The following NCEH1 variants were observed in gnomAD, a reference collection of about 807,000 sequenced individuals.
NCEH1 encodes 2-acetyl MAGE hydrolase.
NCEH1 carries 9 observed loss-of-function variants against 25.4 expected under a neutral mutation model. The ratio of observed to expected loss-of-function variants is 0.35; its 90% confidence interval spans 0.21 to 0.62. NCEH1 has a LOEUF of 0.62. Among genes scored for constraint, NCEH1 ranks in the 20% least tolerant of loss-of-function variants. The probability of loss-of-function intolerance (pLI) is 0.72; values close to 1 mark genes in which losing one functional copy is unlikely to be tolerated. For missense variants in NCEH1, 412 were observed against 501.1 expected, an observed-to-expected ratio of 0.82 and a Z score of 1.70; for synonymous variants, 200 against 199.8, an observed-to-expected ratio of 1.00 and a Z score of -0.01.
intron 1 of NCEH1, among the ~76,000 whole-genome samples, chr3:172,664,216 T>G (rs1718097789): frequency 6.6e-6 from 1 of 152,336 alleles, no homozygotes; most frequent in African/African-American, 2.4e-5. Context: ...CCTTCACTTA[T>G]GAAGCTTAGT....
chr3:172,636,419 G>A (rs1471488973), intron 3 of NCEH1, among the ~76,000 whole-genome samples: 2 of 151,800 alleles, frequency 1.3e-5, no homozygotes, highest in African/African-American at 2.4e-5. Flanking sequence ...GACATGGATA[G>A]CACCGTAATA....
Position 172,678,533 on chromosome 3 carries a change from C to T in NCEH1, c.139-30419G>A, listed in dbSNP as rs529684787. ...TTGAAAGATCCACAATTACAACAAA[C>T]TTGTTTAATGTCTAACAAAGTCTCA... On this transcript the variant is annotated intron_variant, in intron 1 of 4. Transcript: ENST00000475381. Among the ~76,000 whole-genome samples, 7 of 152,322 alleles carry T rather than the reference C, an allele frequency of 4.6e-5. No homozygotes were observed. In the South Asian group the frequency reaches 1.2e-3, roughly 27 times the overall value.
chr3:172,691,838 T>C (rs1713062567), intron 1 of NCEH1, among the ~76,000 whole-genome samples: 1 of 152,178 alleles, frequency 6.6e-6, no homozygotes, highest in Non-Finnish European at 1.5e-5. Flanking sequence ...TCTCATCTAC[T>C]CGGGAGGCTG....
intron 1 of NCEH1, among the ~76,000 whole-genome samples, chr3:172,706,581 C>T (rs1415176480): frequency 6.6e-6 from 1 of 150,822 alleles, no homozygotes; most frequent in Non-Finnish European, 1.5e-5. Context: ...TCACTGAAAC[C>T]TCCACCTCCC....
chr3:172,645,812 A>G, intron 2 of NCEH1, 120 bp from the exon 3 acceptor site: 1 of 549,792 alleles, frequency 1.8e-6, no homozygotes, highest in Non-Finnish European at 3.2e-6. Context: ...CAAATAATAA[A>G]AAGCAAATGT....
In NCEH1 at chr3:172,648,011, T is replaced by C. The variant is rs749826453; in HGVS notation, c.242A>G (p.Lys81Arg). 2 of 1,614,174 alleles carry C rather than the reference T, an allele frequency of 1.2e-6. No individual in the cohort carries two copies. Among genetic ancestry groups the C allele is most frequent in the Non-Finnish European group, 1.7e-6 (2 of 1,180,044 alleles). Residue 81 changes from lysine (K) to arginine (R), a missense_variant, in exon 2 of 5, where the codon AAG (lysine) becomes AGG (arginine). Lys to Arg is a conservative substitution (Grantham distance 26, BLOSUM62 2). Around this residue, in one of 3 missense-constraint regions of NCEH1, gnomAD observed 178 missense variants for 189.2 expected, o/e 0.94. Transcript: ENST00000475381. ...ACCATCAAAGTCTGTGTCGGTCACCTTCACTTGGGCAGAAGACCACGCGCT... is the reference window on the plus strand; with the variant it reads ...ACCATCAAAGTCTGTGTCGGTCACCCTCACTTGGGCAGAAGACCACGCGCT... ...KKSAWSSAQV[K>R]VTDTDFDGVE...
intron 3 of NCEH1, among the ~76,000 whole-genome samples, chr3:172,641,539 G>A (rs1234022762): frequency 6.6e-6 from 1 of 152,150 alleles, no homozygotes; most frequent in South Asian, 2.1e-4. Flanking sequence ...TGAAAGAATA[G>A]CAAAGCCATG....
intron 1 of NCEH1, among the ~76,000 whole-genome samples, chr3:172,679,174 G>C (rs765800293): frequency 1.3e-5 from 2 of 152,162 alleles, no homozygotes; most frequent in Non-Finnish European, 2.9e-5. Context: ...GCTGAGAAAG[G>C]TAAAAACACC....
At chr3:172,657,043 T>C (rs923513835) in intron 1 of NCEH1, among the ~76,000 whole-genome samples, 2 of 152,198 alleles carry the variant, frequency 1.3e-5, no homozygotes, top group Non-Finnish European at 2.9e-5. Context: ...TTTCTTTTTG[T>C]CTTTTATTGA....
chr3:172,660,488 C>G (rs1328573551), intron 1 of NCEH1, among the ~76,000 whole-genome samples: 2 of 152,222 alleles, frequency 1.3e-5, no homozygotes, highest in South Asian at 4.1e-4. Flanking sequence ...TGGGTATATA[C>G]GCAGTAATGG....
chr3:172,652,870 ATT>A (rs33937237), intron 1 of NCEH1, among the ~76,000 whole-genome samples: 3 of 139,788 alleles, frequency 2.1e-5, no homozygotes, highest in Non-Finnish European at 1.6e-5. Flanking sequence ...TAATTTTTGT[ATT>A]TTTTTTTTTT....
intron 3 of NCEH1, among the ~76,000 whole-genome samples, chr3:172,643,977 G>A (rs748913350): frequency 1.2e-4 from 19 of 152,218 alleles, no homozygotes; most frequent in Non-Finnish European, 2.2e-4. Flanking sequence ...AAACTGCACT[G>A]ACAACCCTTG....
intron 3 of NCEH1, among the ~76,000 whole-genome samples, chr3:172,638,916 T>C (rs910556086): frequency 1.2e-3 from 176 of 152,306 alleles, no homozygotes; most frequent in African/African-American, 4.2e-3. Context: ...GTGTTCCTGG[T>C]GCCATAAAGA....
intron 1 of NCEH1, among the ~76,000 whole-genome samples, chr3:172,704,413 G>T (rs116269836): frequency 6.6e-6 from 1 of 152,136 alleles, no homozygotes; most frequent in African/African-American, 2.4e-5. Flanking sequence ...CTCATGCTCC[G>T]AGCTCTCTTG....
At chr3:172,644,925 C>CA (rs11437231) in intron 3 of NCEH1, among the ~76,000 whole-genome samples, 6,236 of 152,002 alleles carry the variant, frequency 0.041, 392 homozygotes, top group African/African-American at 0.14. Context: ...ACGTGGGTTG[C>CA]AATTTCACAA....
rs1553830302 is a variant in NCEH1, at chr3:172,653,735, G to GTTTTTTTTTTTT, written c.139-5622_139-5621insAAAAAAAAAAAA. Among the ~76,000 whole-genome samples the GTTTTTTTTTTTT allele has an allele frequency of 9.7e-4, 69 of 71,002 alleles. 4 individuals are homozygous for GTTTTTTTTTTTT. Among genetic ancestry groups the GTTTTTTTTTTTT allele is most frequent in the African/African-American group, 3.1e-3 (62 of 19,702 alleles). The allele number at this position is 71,002 out of a possible 152,430, so 46.6% of individuals were successfully genotyped here. ...TTGTTTTTGTTGTTGTTGTTGTTCT[G>GTTTTTTTTTTTT]TTTTTTTTGTTTTTTTGTTTTTTTG... On this transcript the variant is annotated intron_variant, in intron 1 of 4. Transcript: ENST00000475381.
intron 1 of NCEH1, among the ~76,000 whole-genome samples, chr3:172,686,098 T>A (rs522028): frequency 0.55 from 83,711 of 152,028 alleles, 23,801 homozygotes; most frequent in African/African-American, 0.65. Flanking sequence ...CAGCAGGCGG[T>A]GAGAAATTTA....
At position 172,633,945 on chromosome 3, in the gene NCEH1, C is replaced by T. The variant is rs1716490703; in HGVS notation, c.757G>A (p.Val253Met). 3 of 1,614,162 alleles carry T rather than the reference C, an allele frequency of 1.9e-6. No individual in the cohort carries two copies. The highest frequency in any genetic ancestry group is 2.5e-6 in the Non-Finnish European group (3 of 1,180,016). ...TCATAGTTGCCTTTGAAGTAGTCCA[C>T]CCAATACTTCACCATGACATAGCGG... Reference protein sequence around the residue: ...LPRYVMVKYWVDYFKGNYDFV... With the variant: ...LPRYVMVKYWMDYFKGNYDFV... Residue 253 changes from valine (V) to methionine (M), a missense_variant, in exon 5 of 5, where the codon GTG (valine) becomes ATG (methionine). Val to Met is a conservative substitution (Grantham distance 21, BLOSUM62 1). Transcript: ENST00000475381.
At chr3:172,654,522 G>A (rs1195565142) in intron 1 of NCEH1, among the ~76,000 whole-genome samples, 1 of 152,170 alleles carries the variant, frequency 6.6e-6, no homozygotes, top group African/African-American at 2.4e-5. Flanking sequence ...TTTGTTATTA[G>A]TTCCACATGG....
Sources: gnomAD v4.1 joint callset for allele counts (sites outside exome capture counted in the v4.1 genomes callset) on GRCh38, gnomAD v4.1.1 for gene constraint, gnomAD v4.1.1 regional missense constraint, MANE v1.5 for transcripts, NCBI Gene and HGNC (gene_info 2026-07-23, HGNC 2026-07-21) for gene names.